Variants in ELMO1 observed in about 807,000 individuals in gnomAD.
ELMO1 encodes the protein engulfment and cell motility protein 1.
A neutral mutation model predicts 98.9 loss-of-function variants in ELMO1; 26 were observed. The observed-to-expected ratio is 0.26, with a 90% CI of 0.19 to 0.36. The LOEUF is 0.36. ELMO1 is among the 10% of genes least tolerant of loss of function. The probability of loss-of-function intolerance (pLI) is 1.00; values close to 1 mark genes in which losing one functional copy is unlikely to be tolerated. For missense variants in ELMO1, 627 were observed against 935.2 expected (o/e 0.67, Z 4.30); for synonymous variants, 346 against 346.0 (o/e 1.00, Z 0.00).
At chr7:36,952,040 G>A (rs1380715875) in intron 16 of ELMO1, among the ~76,000 whole-genome samples, 1 of 152,210 alleles carries the variant, frequency 6.6e-6, no homozygotes, top group African/African-American at 2.4e-5. Context: ...AGGAAGCAGG[G>A]AGGATGGTCT....
intron 2 of ELMO1, among the ~76,000 whole-genome samples, chr7:37,316,823 C>G (rs1462237951): frequency 6.6e-6 from 1 of 152,072 alleles, no homozygotes; most frequent in Admixed American, 6.5e-5. Context: ...TTTTCAGATA[C>G]AAAACCATAA....
intron 16 of ELMO1, among the ~76,000 whole-genome samples, chr7:36,921,730 T>C (rs1011053776): frequency 1.8e-4 from 28 of 152,202 alleles, no homozygotes; most frequent in African/African-American, 6.8e-4. Context: ...GTGAAGAAAG[T>C]GCTAGGATAG....
intron 18 of ELMO1, among the ~76,000 whole-genome samples, chr7:36,886,802 A>T (rs1805046163): frequency 6.6e-6 from 1 of 152,214 alleles, no homozygotes; most frequent in Admixed American, 6.5e-5. Context: ...ATCCATTTGA[A>T]TTTGACATTT....
intron 1 of ELMO1, among the ~76,000 whole-genome samples, chr7:37,427,254 C>T (rs926410305): frequency 1.3e-5 from 2 of 152,170 alleles, no homozygotes; most frequent in African/African-American, 2.4e-5. Flanking sequence ...TGATGTGCTA[C>T]GTTAGCTGAG....
chr7:37,107,596 T>G (rs1284976083), intron 14 of ELMO1, among the ~76,000 whole-genome samples: 2 of 152,188 alleles, frequency 1.3e-5, no homozygotes, highest in South Asian at 4.1e-4. Context: ...GCCTCACATC[T>G]CCTTCACCGG....
At chr7:36,856,696 C>T (rs1367152136) in intron 21 of ELMO1, among the ~76,000 whole-genome samples, 2 of 152,194 alleles carry the variant, frequency 1.3e-5, no homozygotes, top group Non-Finnish European at 2.9e-5. Context: ...AACCATGACA[C>T]CTGGTGAAAG....
At chr7:37,367,838 T>C (rs951370440) in intron 1 of ELMO1, among the ~76,000 whole-genome samples, 6 of 152,072 alleles carry the variant, frequency 3.9e-5, no homozygotes, top group Non-Finnish European at 7.4e-5. Flanking sequence ...AATCAGAAAA[T>C]AAGTATATAA....
intron 1 of ELMO1, among the ~76,000 whole-genome samples, chr7:37,374,182 G>T (rs1399463189): frequency 6.6e-6 from 1 of 152,190 alleles, no homozygotes; most frequent in Non-Finnish European, 1.5e-5. Flanking sequence ...CCATCGGAAT[G>T]AATGCTGGCC....
intron 1 of ELMO1, among the ~76,000 whole-genome samples, chr7:37,390,012 T>C (rs2723985): frequency 0.96 from 145,594 of 152,154 alleles, 69,724 homozygotes; most frequent in East Asian, 1. Context: ...TTTCATCCCC[T>C]GAGAAGTCAC....
intron 15 of ELMO1, among the ~76,000 whole-genome samples, chr7:37,018,998 G>A (rs1468656690): frequency 6.6e-6 from 1 of 152,180 alleles, no homozygotes; most frequent in Non-Finnish European, 1.5e-5. Flanking sequence ...TTGATGATAT[G>A]TCAAAAACCT....
At chr7:36,901,921 C>A (rs894696859) in intron 16 of ELMO1, among the ~76,000 whole-genome samples, 1 of 152,270 alleles carries the variant, frequency 6.6e-6, no homozygotes, top group African/African-American at 2.4e-5. Flanking sequence ...CGAACAGAAT[C>A]GGTTCCGACA....
At chr7:36,965,589 T>A (rs932870179) in intron 16 of ELMO1, among the ~76,000 whole-genome samples, 5 of 152,162 alleles carry the variant, frequency 3.3e-5, no homozygotes, top group African/African-American at 1.2e-4. Flanking sequence ...ATTTGGCAGC[T>A]ACAATAAAAT....
At chr7:36,986,100 C>G in intron 16 of ELMO1, 1 of 991,408 alleles carries the variant, frequency 1.0e-6, no homozygotes, top group African/African-American at 1.7e-5. Flanking sequence ...CAGAGACCCG[C>G]CGCACACCTT....
chr7:37,155,502 A>AT (rs201977812), intron 13 of ELMO1, among the ~76,000 whole-genome samples: 1 of 150,918 alleles, frequency 6.6e-6, no homozygotes, highest in Non-Finnish European at 1.5e-5. Context: ...AAAAAAAAAA[A>AT]AAAAAAGCAG....
chr7:37,261,826 T>C (rs1246400106), intron 5 of ELMO1, among the ~76,000 whole-genome samples: 5 of 152,180 alleles, frequency 3.3e-5, no homozygotes. Context: ...GGTCTTGAAT[T>C]CCTGACCTCA....
At chr7:37,310,964 T>A (rs1394524447) in intron 4 of ELMO1, among the ~76,000 whole-genome samples, 1 of 152,256 alleles carries the variant, frequency 6.6e-6, no homozygotes, top group East Asian at 1.9e-4. Flanking sequence ...AAAGACAAAT[T>A]CCACCTAAAC....
chr7:36,875,394 T>TCA (rs1803865893), intron 19 of ELMO1, among the ~76,000 whole-genome samples: 1 of 152,098 alleles, frequency 6.6e-6, no homozygotes, highest in African/African-American at 2.4e-5. Context: ...TCTCTCTCTC[T>TCA]CACACACACA....
intron 7 of ELMO1, 59 bp downstream of exon 7, chr7:37,244,297 A>T: frequency 6.4e-7 from 1 of 1,569,568 alleles, no homozygotes; most frequent in Admixed American, 1.8e-5. Flanking sequence ...ACAGGGCTCA[A>T]TTATGCAGGA....
At chr7:37,209,961 G>GA (rs1203540379) in intron 13 of ELMO1, among the ~76,000 whole-genome samples, 1 of 152,210 alleles carries the variant, frequency 6.6e-6, no homozygotes, top group Non-Finnish European at 1.5e-5. Flanking sequence ...CTGCAAAGCT[G>GA]AATATGCAGT....
Sources: gnomAD v4.1 joint callset for allele counts (sites outside exome capture counted in the v4.1 genomes callset) on GRCh38, gnomAD v4.1.1 for gene constraint, MANE v1.5 for transcripts, NCBI Gene and HGNC (gene_info 2026-07-23, HGNC 2026-07-21) for gene names.